Variants in RBFOX1 observed in about 807,000 individuals in gnomAD.
The protein encoded by RBFOX1 is RNA binding fox-1 homolog 1.
Under a neutral mutation model 57.7 loss-of-function variants are expected in RBFOX1, and 8 were observed. The ratio of observed to expected loss-of-function variants is 0.14; its 90% CI spans 0.08 to 0.25. The LOEUF (loss-of-function observed/expected upper bound fraction) is 0.25, where lower values mean the gene tolerates loss of function less well. Ranked by LOEUF, RBFOX1 falls within the 10% of genes least tolerant of loss-of-function variation. The pLI is 1.00. For missense variants in RBFOX1, 611 were observed against 548.5 expected (o/e 1.11, Z -1.14); for synonymous variants, 326 against 222.4 (o/e 1.47, Z -4.15).
At position 5,812,689 on chromosome 16, in the gene RBFOX1, T is replaced by G. The variant is rs571647635; in HGVS notation, c.319-54614T>G. ...GTTGCCTACGTTGGTCTCAAACTCC[T>G]GGCCTCAAGCAGTCCTTTCACCTCT... is the stretch of plus-strand genomic sequence containing the variant. On this transcript the variant is annotated intron_variant, in intron 3 of 19. Coordinates refer to the RBFOX1 transcript ENST00000641259. Among the ~76,000 whole-genome samples, 97 of 152,254 alleles carry G rather than the reference T, an allele frequency of 6.4e-4. 1 individual carries two copies. Among genetic ancestry groups the G allele is most frequent in the African/African-American group, 2.1e-3 (89 of 41,564 alleles).
intron 4 of RBFOX1, among the ~76,000 whole-genome samples, chr16:7,497,979 T>C (rs2069253938): frequency 6.6e-6 from 1 of 152,218 alleles, no homozygotes; most frequent in South Asian, 2.1e-4. Context: ...AACAAGCTTT[T>C]AAAAGCTTTT....
chr16:6,535,762 C>T (rs530637847), intron 2 of RBFOX1, among the ~76,000 whole-genome samples: 104 of 152,310 alleles, frequency 6.8e-4, no homozygotes, highest in South Asian at 2.5e-3. Context: ...CTGGGGCTAT[C>T]ACAACCAGCA....
chr16:6,100,645 A>T (rs1025104322), intron 1 of RBFOX1, among the ~76,000 whole-genome samples: 2 of 152,334 alleles, frequency 1.3e-5, no homozygotes. Context: ...AGTAGGGTCC[A>T]TACTTTCCAT....
intron 4 of RBFOX1, among the ~76,000 whole-genome samples, chr16:7,154,689 G>T (rs1191109238): frequency 1.6e-3 from 14 of 8,486 alleles, no homozygotes; most frequent in South Asian, 7.8e-3. Context: ...CTTCCTTTGT[G>T]TGTGTGTGTG....
chr16:6,352,470 A>G (rs1350796149), intron 2 of RBFOX1, among the ~76,000 whole-genome samples: 2 of 152,206 alleles, frequency 1.3e-5, no homozygotes, highest in East Asian at 1.9e-4. Flanking sequence ...GTGGATTACA[A>G]TGGAATTTTA....
intron 3 of RBFOX1, among the ~76,000 whole-genome samples, chr16:6,661,335 A>C (rs78452150): frequency 0.047 from 7,162 of 152,260 alleles, 390 homozygotes; most frequent in African/African-American, 0.11. Flanking sequence ...GAGGGAACAG[A>C]ATGGCGAGGA....
chr16:7,518,494 C>T (rs777878237), intron 5 of RBFOX1, 105 bp downstream of exon 5: 77 of 1,454,716 alleles, frequency 5.3e-5, no homozygotes, highest in Non-Finnish European at 6.4e-5. Flanking sequence ...CTCTGGGAAA[C>T]AGATCAGTCC....
intron 1 of RBFOX1, among the ~76,000 whole-genome samples, chr16:5,343,298 GTTTTTT>G (rs33934959): frequency 4.5e-5 from 5 of 109,952 alleles, no homozygotes; most frequent in Non-Finnish European, 8.7e-5. Flanking sequence ...CTTCTTTGAA[GTTTTTT>G]TTTTTTTTTT....
chr16:6,957,244 G>C (rs1418304431), intron 3 of RBFOX1, among the ~76,000 whole-genome samples: 1 of 151,710 alleles, frequency 6.6e-6, no homozygotes, highest in Non-Finnish European at 1.5e-5. Context: ...CCATTCTCCT[G>C]CCTCAGCCTC....
At chr16:6,652,048 G>A (rs968557177) in intron 2 of RBFOX1, among the ~76,000 whole-genome samples, 5 of 152,136 alleles carry the variant, frequency 3.3e-5, no homozygotes, top group East Asian at 3.9e-4. Flanking sequence ...TACTGAAGTC[G>A]TAACTTCCAA....
intron 1 of RBFOX1, among the ~76,000 whole-genome samples, chr16:6,299,121 C>T (rs928721150): frequency 2.0e-5 from 3 of 152,170 alleles, no homozygotes; most frequent in African/African-American, 7.2e-5. Flanking sequence ...AGCAATGCAG[C>T]AGCTGGTGGT....
chr16:7,414,639 A>G (rs1030400129), intron 4 of RBFOX1, among the ~76,000 whole-genome samples: 1 of 152,080 alleles, frequency 6.6e-6, no homozygotes, highest in Non-Finnish European at 1.5e-5. Flanking sequence ...TTATTTTGAG[A>G]TCAAAGCTCA....
At chr16:7,029,475 G>A (rs1161121040) in intron 3 of RBFOX1, among the ~76,000 whole-genome samples, 2 of 151,680 alleles carry the variant, frequency 1.3e-5, no homozygotes, top group Non-Finnish European at 2.9e-5. Context: ...ATAGAGTTTG[G>A]TTTAGGTGAC....
chr16:5,805,811 C>T (rs2055206817), intron 3 of RBFOX1, among the ~76,000 whole-genome samples: 1 of 152,170 alleles, frequency 6.6e-6, no homozygotes, highest in African/African-American at 2.4e-5. Context: ...TCTCTCTCCT[C>T]CCACCTTCTG....
chr16:7,052,113 T>C lies in RBFOX1; in HGVS notation c.27+15T>C, dbSNP rs2050290741. The C allele has an allele frequency of 2.5e-6, 4 of 1,593,130 alleles. No homozygotes were observed. Among genetic ancestry groups the C allele is most frequent in the Non-Finnish European group, 3.4e-6 (4 of 1,174,208 alleles). ...AGCAGCTAAGGGTAGGTGCACCTGC[T>C]TGTAAAATGCTTCCTGATTCTCATT... is the stretch of plus-strand genomic sequence containing the variant. On this transcript the variant is annotated intron_variant, in intron 4 of 15. Transcript: ENST00000550418.
chr16:6,315,567 GGATGGATGGATAGATGGATGGATGGATA>G (rs1208304704), intron 1 of RBFOX1, among the ~76,000 whole-genome samples: 1 of 71,308 alleles, frequency 1.4e-5, no homozygotes, highest in Non-Finnish European at 3.7e-5. Flanking sequence ...ATGGATGGAT[GGATGGATGGATAGATGGATGGATGGATA>G]GATGGATGGA....
intron 7 of RBFOX1, among the ~76,000 whole-genome samples, chr16:7,589,930 T>C (rs2094351064): frequency 6.7e-6 from 1 of 150,060 alleles, no homozygotes; most frequent in Non-Finnish European, 1.5e-5. Context: ...TGTGTGTGTG[T>C]GTGTGTGTGT....
At chr16:5,528,630 C>A (rs2044339633) in intron 2 of RBFOX1, among the ~76,000 whole-genome samples, 1 of 146,202 alleles carries the variant, frequency 6.8e-6, no homozygotes. Context: ...TTCTCTCCTT[C>A]CTTCCCTTCT....
chr16:6,708,712 T>C (rs1029916881), intron 3 of RBFOX1, among the ~76,000 whole-genome samples: 1 of 152,216 alleles, frequency 6.6e-6, no homozygotes. Flanking sequence ...ATTACACCTG[T>C]TCCCTTCTTG....
Sources: gnomAD v4.1 joint callset for allele counts (sites outside exome capture counted in the v4.1 genomes callset) on GRCh38, gnomAD v4.1.1 for gene constraint, MANE v1.5 for transcripts, NCBI Gene and HGNC (gene_info 2026-07-23, HGNC 2026-07-21) for gene names.